ADGRG6: variants seen among roughly 807,000 people sequenced by gnomAD.
The protein encoded by ADGRG6 is G-protein coupled receptor 126.
Under a neutral mutation model 142.4 loss-of-function variants are expected in ADGRG6, and 84 were observed. The observed-to-expected ratio is 0.59, with a 90% CI of 0.49 to 0.71. The LOEUF (loss-of-function observed/expected upper bound fraction) is 0.71. Among genes scored for constraint, ADGRG6 ranks in the 30% least tolerant of loss-of-function variants. The probability of loss-of-function intolerance (pLI) is 0.00; values close to 1 mark genes in which losing one functional copy is unlikely to be tolerated. For missense variants in ADGRG6, 1,367 were observed against 1,466.6 expected (o/e 0.93, Z 1.11); for synonymous variants, 521 against 520.5 (o/e 1.00, Z -0.01).
chr6:142,376,742 A>T (rs1781522714), intron 4 of ADGRG6, among the ~76,000 whole-genome samples: 1 of 152,206 alleles, frequency 6.6e-6, no homozygotes. Context: ...ACTCTTTATG[A>T]ACATAGATGA....
chr6:142,323,005 G>A (rs1778591232), intron 2 of ADGRG6, among the ~76,000 whole-genome samples: 1 of 152,044 alleles, frequency 6.6e-6, no homozygotes, highest in Non-Finnish European at 1.5e-5. Flanking sequence ...GTTCTGCCCT[G>A]GTTACTGACT....
chr6:142,433,406 A>G (rs1777310136), intron 22 of ADGRG6, among the ~76,000 whole-genome samples: 2 of 152,206 alleles, frequency 1.3e-5, no homozygotes, highest in Admixed American at 6.5e-5. Flanking sequence ...GAAAGGATTG[A>G]CTGTATTGGC....
chr6:142,383,447 T>C (rs2114936676), intron 5 of ADGRG6, among the ~76,000 whole-genome samples: 1 of 152,258 alleles, frequency 6.6e-6, no homozygotes, highest in South Asian at 2.1e-4. Flanking sequence ...GTTTAGTGTT[T>C]TACTGTGTGA....
rs58392058 is a variant in ADGRG6, at chr6:142,302,091, C to G, written c.-239C>G. 3.8e-6 allele frequency: 2 copies of G among 531,934 alleles called. No individual in the cohort carries two copies. The highest frequency in any genetic ancestry group is 5.8e-5 in the South Asian group (2 of 34,724). The allele number at this position is 531,934 out of a possible 1,614,324, so 33.0% of individuals were successfully genotyped here. A position where few individuals can be genotyped will look rare whatever the true frequency, so the allele number is the denominator to read the frequency against. ...CTGCCAACTTCCCTGCGAGGAGGGA[C>G]CTGCCGCCAGCCTGCTTCCTCGTCC... On this transcript the variant is annotated 5_prime_UTR_variant, in exon 1 of 25. Coordinates refer to ENST00000367609, the MANE Select transcript of ADGRG6 (RefSeq NM_198569.3).
chr6:142,338,017 G>GGTTTTTTTTTTTTTT (rs1779410458), intron 2 of ADGRG6, among the ~76,000 whole-genome samples: 3 of 35,392 alleles, frequency 8.5e-5, no homozygotes, highest in African/African-American at 3.8e-4. Context: ...TTGTATCTTT[G>GGTTTTTTTTTTTTTT]TTTTTTTTTT....
At chr6:142,373,881 C>CTTTTTTTTTTT (rs769498618) in intron 4 of ADGRG6, among the ~76,000 whole-genome samples, 162 of 93,550 alleles carry the variant, frequency 1.7e-3, no homozygotes, top group Non-Finnish European at 2.2e-3. Context: ...TTTTTCTTTT[C>CTTTTTTTTTTT]TTTTTTTTTT....
chr6:142,391,980 T>C (rs1774920104), intron 7 of ADGRG6, among the ~76,000 whole-genome samples: 1 of 152,002 alleles, frequency 6.6e-6, no homozygotes, highest in African/African-American at 2.4e-5. Flanking sequence ...TCAACATAGC[T>C]TTATTCTCAT....
chr6:142,402,805 A>G lies in ADGRG6; in HGVS notation c.1930A>G (p.Ser644Gly). The change falls in exon 13 of 25, where the codon AGT becomes GGT. Residue 644 changes from serine to glycine, a missense_variant. By Grantham distance (56) the Ser-to-Gly change is moderately conservative. Coordinates refer to ENST00000367609, the MANE Select transcript of ADGRG6 (RefSeq NM_198569.3). Reference protein sequence around the residue: ...IFSNILSSSDSDLLESSSEAL... With the variant: ...IFSNILSSSDGDLLESSSEAL... ...TTCTAATATCTTAAGCAGTTCAGAC[A>G]GTGACTTGCTTGAGTCATCTTCTGA... is the stretch of plus-strand genomic sequence containing the variant. 1 of 1,589,214 alleles carries G rather than the reference A, an allele frequency of 6.3e-7. No individual in the cohort carries two copies. The highest frequency in any genetic ancestry group is 8.6e-7 in the Non-Finnish European group (1 of 1,164,926).
intron 22 of ADGRG6, among the ~76,000 whole-genome samples, chr6:142,424,699 G>C (rs1776852352): frequency 6.6e-6 from 1 of 151,910 alleles, no homozygotes; most frequent in Non-Finnish European, 1.5e-5. Flanking sequence ...ATGAGTTAGG[G>C]AGGATTCCCT....
intron 2 of ADGRG6, among the ~76,000 whole-genome samples, chr6:142,325,264 C>A (rs1778715339): frequency 6.6e-6 from 1 of 152,096 alleles, no homozygotes; most frequent in Admixed American, 6.6e-5. Flanking sequence ...TAGGTTTGTG[C>A]TCCAGCATAG....
intron 4 of ADGRG6, among the ~76,000 whole-genome samples, chr6:142,374,685 A>G (rs1159788947): frequency 1.3e-5 from 2 of 152,232 alleles, no homozygotes; most frequent in African/African-American, 4.8e-5. Flanking sequence ...GACAAAAAAA[A>G]GTGGCAGAGG....
chr6:142,405,753 G>T lies in ADGRG6; in HGVS notation c.2193G>T (p.Glu731Asp), dbSNP rs1288423077. The T allele has an allele frequency of 6.2e-7, 1 of 1,607,420 alleles. No homozygotes were observed. The change falls in exon 15 of 25, where the codon GAG becomes GAT. Residue 731 changes from glutamate (E) to aspartate (D), a missense_variant. By Grantham distance (45) the Glu-to-Asp change is conservative. Around this residue, in one of 3 missense-constraint regions of ADGRG6, gnomAD observed 286 missense variants for 371.4 expected, o/e 0.77. Coordinates refer to ENST00000367609, the MANE Select transcript of ADGRG6 (RefSeq NM_198569.3). ...ASVILPPNLL[E>D]NLSPEDSVLV... is the part of the protein sequence containing the mutation. ...TAATTTTGCCTCCAAACTTACTTGAGAATTTAAGTCCAGAAGATTCTGTAT... is the reference window on the plus strand; with the variant it reads ...TAATTTTGCCTCCAAACTTACTTGATAATTTAAGTCCAGAAGATTCTGTAT...
chr6:142,396,029 A>C (rs1244816259), intron 9 of ADGRG6, among the ~76,000 whole-genome samples: 2 of 152,146 alleles, frequency 1.3e-5, no homozygotes, highest in Non-Finnish European at 2.9e-5. Flanking sequence ...AGTTTTCAGG[A>C]TGAGAGAGGA....
chr6:142,342,858 T>A (rs1779721396), intron 2 of ADGRG6, among the ~76,000 whole-genome samples: 1 of 151,886 alleles, frequency 6.6e-6, no homozygotes, highest in Non-Finnish European at 1.5e-5. Context: ...TTTTTTATTT[T>A]AAAATATATT....
At chr6:142,406,200 T>TTC (rs1163484317) in intron 15 of ADGRG6, among the ~76,000 whole-genome samples, 1 of 151,730 alleles carries the variant, frequency 6.6e-6, no homozygotes, top group Non-Finnish European at 1.5e-5. Flanking sequence ...GTTTTTTTTT[T>TTC]TTCTTTAATT....
In ADGRG6 at chr6:142,443,607, G is replaced by A; in HGVS notation, c.*92G>A. ...AGTGATGTAAATGTGCTATTACCTA[G>A]GTAACTGCATATATATAAGGAATGT... On this transcript the variant is annotated 3_prime_UTR_variant, in exon 25 of 25. Transcript: ENST00000367609. 1 of 758,940 alleles carries A rather than the reference G, an allele frequency of 1.3e-6. No homozygotes were observed. 47.0% of individuals were successfully genotyped at this position (758,940 alleles called of 1,614,324 possible).
intron 24 of ADGRG6, chr6:142,440,947 C>A: frequency 1.3e-6 from 2 of 1,491,158 alleles, no homozygotes; most frequent in Admixed American, 2.4e-5. Context: ...AAAAGTGGAT[C>A]ACTCAGGTAA....
At chr6:142,389,684 G>A (rs987285654) in intron 6 of ADGRG6, among the ~76,000 whole-genome samples, 2 of 151,864 alleles carry the variant, frequency 1.3e-5, no homozygotes, top group Admixed American at 1.3e-4. Flanking sequence ...GTATAAATGA[G>A]CATATTTAAG....
At chr6:142,333,856 C>T (rs1221579985) in intron 2 of ADGRG6, among the ~76,000 whole-genome samples, 2 of 152,150 alleles carry the variant, frequency 1.3e-5, no homozygotes, top group Non-Finnish European at 2.9e-5. Context: ...TGGATTTGTC[C>T]ATCATCACAT....
Sources: allele counts gnomAD v4.1 joint callset (sites outside exome capture counted in the v4.1 genomes callset), GRCh38; gene constraint gnomAD v4.1.1; regional missense constraint gnomAD v4.1.1; transcripts MANE v1.5; gene names NCBI Gene and HGNC (gene_info 2026-07-23, HGNC 2026-07-21).